Variants in CRISPLD1 observed in about 807,000 individuals in gnomAD.
CRISPLD1 encodes cysteine rich secretory protein LCCL domain containing 1, also known as cysteine-rich secretory protein LCCL domain-containing 1.
CRISPLD1 carries 60 observed loss-of-function variants against 77.5 expected under a neutral mutation model. The ratio of observed to expected loss-of-function variants is 0.77; its 90% CI spans 0.63 to 0.96. The LOEUF (loss-of-function observed/expected upper bound fraction) is 0.96, where lower values mean the gene tolerates loss of function less well. Among genes scored for constraint, CRISPLD1 ranks in the 40% least tolerant of loss-of-function variants. The pLI is 0.00. For missense variants in CRISPLD1, 623 were observed against 615.8 expected, an observed-to-expected ratio of 1.01 and a Z score of -0.12; for synonymous variants, 195 against 200.1, an observed-to-expected ratio of 0.97 and a Z score of 0.22.
intron 4 of CRISPLD1, 88 bp downstream of exon 4, chr8:75,013,110 A>C: frequency 8.7e-7 from 1 of 1,152,424 alleles, no homozygotes; most frequent in Middle Eastern, 2.2e-4. Flanking sequence ...TGTCTTTCTT[A>C]TTTAATATGG....
chr8:74,995,842 C>T (rs943085503), intron 2 of CRISPLD1, among the ~76,000 whole-genome samples: 3 of 151,660 alleles, frequency 2.0e-5, no homozygotes, highest in Non-Finnish European at 4.4e-5. Flanking sequence ...CATATAATAC[C>T]GATTAAGAAT....
At chr8:74,995,360 C>A (rs1355647315) in intron 2 of CRISPLD1, among the ~76,000 whole-genome samples, 1 of 152,176 alleles carries the variant, frequency 6.6e-6, no homozygotes, top group Non-Finnish European at 1.5e-5. Flanking sequence ...CTACAGAAAT[C>A]TGATAATACA....
intron 9 of CRISPLD1, 37 bp from the exon 10 acceptor site, chr8:75,017,283 A>G: frequency 6.2e-7 from 1 of 1,602,050 alleles, no homozygotes; most frequent in Non-Finnish European, 8.5e-7. Context: ...GAACTCTAAT[A>G]TTTTTAACAT....
At position 75,017,340 on chromosome 8, in the gene CRISPLD1, T is replaced by A; in HGVS notation, c.1017T>A (p.Ala339=). Residue 339 remains alanine (A), a synonymous_variant, in exon 10 of 15, where the codon GCT becomes GCA. Coordinates refer to ENST00000262207, the MANE Select transcript of CRISPLD1 (RefSeq NM_031461.6). ...HYEMQSSICR[A]AIHYGIIDND... ...CCAAGCAATCCAGCATCTGTAGAGC[T>A]GCAATTCATTATGGTATAATAGACA... The A allele has an allele frequency of 6.2e-7, 1 of 1,608,798 alleles. No homozygotes were observed. Among genetic ancestry groups the A allele is most frequent in the Non-Finnish European group, 8.5e-7 (1 of 1,178,498 alleles).
rs1813294662 is a variant in CRISPLD1, at chr8:75,029,443, T to C, written c.1377T>C (p.Gly459=). 1.9e-6 allele frequency: 3 copies of C among 1,613,646 alleles called. No individual in the cohort carries two copies. The highest frequency in any genetic ancestry group is 2.5e-6 in the Non-Finnish European group (3 of 1,179,748). The change falls in exon 14 of 15, where the codon GGT becomes GGC. Residue 459 remains glycine (G), a synonymous_variant. Transcript: ENST00000262207. Reference sequence around the variant, plus strand: ...CTGGAGTGGTTCGAAATCACGGTGGTTATGTTGATGTAATGCCTGTGGACA... The same window carrying C: ...CTGGAGTGGTTCGAAATCACGGTGGCTATGTTGATGTAATGCCTGTGGACA... ...VHAGVVRNHG[G]YVDVMPVDKR...
At chr8:74,984,966 C>T (rs942489399) in intron 1 of CRISPLD1, 46 bp downstream of exon 1, 6 of 151,872 alleles carry the variant, frequency 4.0e-5, no homozygotes, top group African/African-American at 1.5e-4. Flanking sequence ...AAGCTGCCAC[C>T]CTTTCCTATC....
intron 13 of CRISPLD1, among the ~76,000 whole-genome samples, chr8:75,027,282 G>A (rs905756505): frequency 5.9e-5 from 9 of 152,180 alleles, no homozygotes; most frequent in East Asian, 1.9e-4. Context: ...ACATAGCTAC[G>A]TCAGGTATTA....
rs772122275 is a variant in CRISPLD1 at position 75,017,411 on chromosome 8, A to C, written c.1088A>C (p.Tyr363Ser). The part of the protein sequence containing the change: ...VDITRQGRKH[Y>S]FIKSNRNGIQ... ...ATCACTAGACAAGGAAGAAAGCATT[A>C]TTTCATCAAGTCCAATAGAAATGGT... The change falls in exon 10 of 15, where the codon TAT (tyrosine) becomes TCT (serine). Residue 363 changes from tyrosine to serine, a missense_variant. Coordinates refer to ENST00000262207, the MANE Select transcript of CRISPLD1 (RefSeq NM_031461.6). 6.2e-7 allele frequency: 1 copy of C among 1,610,570 alleles called. No homozygotes were observed.
intron 2 of CRISPLD1, among the ~76,000 whole-genome samples, chr8:74,995,045 A>G (rs948076664): frequency 5.9e-5 from 9 of 152,174 alleles, no homozygotes; most frequent in Admixed American, 4.6e-4. Flanking sequence ...TGAACATGAA[A>G]TTAGGACCCA....
chr8:74,989,638 C>T (rs1182263807), intron 2 of CRISPLD1, among the ~76,000 whole-genome samples: 1 of 150,884 alleles, frequency 6.6e-6, no homozygotes, highest in Non-Finnish European at 1.5e-5. Context: ...CTTGTAGATT[C>T]CAGATACTAG....
chr8:75,012,743 T>G (rs1812954666), intron 3 of CRISPLD1, 147 bp from the exon 4 acceptor site: 4 of 864,172 alleles, frequency 4.6e-6, no homozygotes, highest in Non-Finnish European at 7.1e-6. Context: ...CATCAATTTA[T>G]TAGTAATGTA....
intron 10 of CRISPLD1, among the ~76,000 whole-genome samples, chr8:75,018,700 C>G (rs1813080451): frequency 6.6e-6 from 1 of 152,028 alleles, no homozygotes; most frequent in Admixed American, 6.6e-5. Flanking sequence ...TTCAACTTTT[C>G]CTGCCTCAGC....
At chr8:75,020,222 TC>T in intron 12 of CRISPLD1, 143 bp downstream of exon 12, 1 of 661,498 alleles carries the variant, frequency 1.5e-6, no homozygotes, top group Non-Finnish European at 2.7e-6. Flanking sequence ...CTACATGCAC[TC>T]CAGGCAGGCC....
chr8:75,014,548 A>G (rs1255937655), intron 5 of CRISPLD1, among the ~76,000 whole-genome samples: 1 of 152,134 alleles, frequency 6.6e-6, no homozygotes, highest in African/African-American at 2.4e-5. Context: ...TGAATATTCC[A>G]TGGCAGAGTT....
At position 75,016,936 on chromosome 8, in the gene CRISPLD1, C is replaced by T; in HGVS notation, c.924C>T (p.Cys308=). The T allele has an allele frequency of 6.4e-7, 1 of 1,550,748 alleles. No homozygotes were observed. Among genetic ancestry groups the T allele is most frequent in the Non-Finnish European group, 8.7e-7 (1 of 1,143,128 alleles). The change falls in exon 8 of 15, where the codon TGC becomes TGT. Residue 308 remains cysteine, a synonymous_variant. Coordinates refer to ENST00000262207, the MANE Select transcript of CRISPLD1 (RefSeq NM_031461.6). ...GAGATCAGTGCAAAGGAACAACCTG[C>T]AATAGGTAATATTTGTTATTATTTT... ...RLRDQCKGTT[C]NRYECPAGCL...
In CRISPLD1 at chr8:75,012,640, T is replaced by G. The variant is rs544464534; in HGVS notation, c.377+89T>G. On this transcript the variant is annotated intron_variant, in intron 3 of 14. Transcript: ENST00000262207. ...TTCATCAGTACAATTTTTCAAAGACTTGGTGCCTGAAAGAAAAGTAATCAC... is the reference window on the plus strand; with the variant it reads ...TTCATCAGTACAATTTTTCAAAGACGTGGTGCCTGAAAGAAAAGTAATCAC... The G allele has an allele frequency of 8.4e-6, 8 of 954,722 alleles. No individual in the cohort carries two copies. The Admixed American group carries it at 1.2e-4, about 15-fold the overall frequency. 59.1% of individuals were successfully genotyped at this position (954,722 alleles called of 1,614,324 possible).
Position 75,025,678 on chromosome 8 carries a change from A to G in CRISPLD1, c.1320+57A>G, listed in dbSNP as rs185134210. 873 of 917,124 alleles carry G rather than the reference A, an allele frequency of 9.5e-4. 5 individuals carry two copies. The African/African-American group carries it at 0.012, about 13-fold the overall frequency. 56.8% of individuals were successfully genotyped at this position (917,124 alleles called of 1,614,324 possible). ...TTCATGTATATATATAAATGTATAG[A>G]CACATTTAAATGTGTATATGTACAT... On this transcript the variant is annotated intron_variant, in intron 13 of 14. Coordinates refer to ENST00000262207, the MANE Select transcript of CRISPLD1 (RefSeq NM_031461.6).
Position 75,032,273 on chromosome 8 carries a change from C to G in CRISPLD1, c.*31C>G. The G allele has an allele frequency of 1.3e-6, 2 of 1,530,286 alleles. No homozygotes were observed. Among genetic ancestry groups the G allele is most frequent in the Non-Finnish European group, 9.0e-7 (1 of 1,111,926 alleles). 94.8% of individuals were successfully genotyped at this position (1,530,286 alleles called of 1,614,324 possible). ...AATACTTGGAAGAGGACCATAAAGACTATTCCAAATGCAATATTTCTGAAT... is the reference window on the plus strand; with the variant it reads ...AATACTTGGAAGAGGACCATAAAGAGTATTCCAAATGCAATATTTCTGAAT... On this transcript the variant is annotated 3_prime_UTR_variant, in exon 15 of 15. Transcript: ENST00000262207.
At chr8:75,000,654 C>T (rs1051343970) in intron 2 of CRISPLD1, among the ~76,000 whole-genome samples, 33 of 152,094 alleles carry the variant, frequency 2.2e-4, no homozygotes, top group African/African-American at 7.7e-4. Flanking sequence ...AGTTAGGTGC[C>T]CCCAGACTCA....
Sources: gnomAD v4.1 joint callset for allele counts (sites outside exome capture counted in the v4.1 genomes callset) on GRCh38, gnomAD v4.1.1 for gene constraint, MANE v1.5 for transcripts, NCBI Gene and HGNC (gene_info 2026-07-23, HGNC 2026-07-21) for gene names.